Variants in MEMO1 observed in about 807,000 individuals in gnomAD.
MEMO1 encodes protein MEMO1.
A neutral mutation model predicts 45.2 loss-of-function variants in MEMO1; 6 were observed. The observed-to-expected ratio is 0.13, with a 90% CI of 0.07 to 0.26. MEMO1 has a LOEUF of 0.26. Among genes scored for constraint, MEMO1 ranks in the 10% least tolerant of loss-of-function variants. The pLI is 1.00. For missense variants in MEMO1, 184 were observed against 370.5 expected, an observed-to-expected ratio of 0.50 and a Z score of 4.13; for synonymous variants, 78 against 124.3, an observed-to-expected ratio of 0.63 and a Z score of 2.48.
intron 2 of MEMO1, among the ~76,000 whole-genome samples, chr2:31,951,601 C>T (rs886639960): frequency 1.3e-5 from 2 of 151,756 alleles, no homozygotes; most frequent in East Asian, 3.9e-4. Context: ...GGCACGATCT[C>T]GGCTCACTGC....
intron 1 of MEMO1, 179 bp from the exon 2 acceptor site, chr2:32,010,443 G>C (rs1674744999): frequency 4.8e-6 from 2 of 418,372 alleles, no homozygotes; most frequent in Non-Finnish European, 4.4e-6. Context: ...GATGGCAGCC[G>C]GGGCGGTGGC....
At chr2:31,912,292 T>C (rs1485348833) in intron 6 of MEMO1, among the ~76,000 whole-genome samples, 1 of 151,800 alleles carries the variant, frequency 6.6e-6, no homozygotes, top group East Asian at 1.9e-4. Context: ...GCCAAGGTTG[T>C]GCCATGCCAC....
chr2:31,978,527 A>G (rs1462882837), intron 2 of MEMO1, among the ~76,000 whole-genome samples: 1 of 152,214 alleles, frequency 6.6e-6, no homozygotes, highest in Non-Finnish European at 1.5e-5. Flanking sequence ...TAGCTCACTG[A>G]GCTTACACAA....
At chr2:31,916,025 C>G (rs746898804) in intron 6 of MEMO1, among the ~76,000 whole-genome samples, 1 of 151,896 alleles carries the variant, frequency 6.6e-6, no homozygotes, top group Non-Finnish European at 1.5e-5. Context: ...ATTAGGGACC[C>G]TAATGTAATG....
At chr2:31,915,140 C>A (rs997592328) in intron 6 of MEMO1, among the ~76,000 whole-genome samples, 4 of 151,882 alleles carry the variant, frequency 2.6e-5, no homozygotes, top group African/African-American at 7.3e-5. Flanking sequence ...CCCCCAACAC[C>A]CACTTCTCCA....
chr2:31,898,108 CTTCT>C (rs758505098), intron 6 of MEMO1, among the ~76,000 whole-genome samples: 2 of 151,710 alleles, frequency 1.3e-5, no homozygotes, highest in Middle Eastern at 3.4e-3. Context: ...TCTCTCTTTT[CTTCT>C]TTATTAGTCT....
chr2:31,960,521 C>A (rs956117842), intron 2 of MEMO1, among the ~76,000 whole-genome samples: 1 of 152,138 alleles, frequency 6.6e-6, no homozygotes, highest in Non-Finnish European at 1.5e-5. Context: ...TCAATAATTA[C>A]AATAAATTAA....
chr2:31,947,317 CCAAA>C (rs1429118382), intron 2 of MEMO1, among the ~76,000 whole-genome samples: 2 of 152,144 alleles, frequency 1.3e-5, no homozygotes, highest in Non-Finnish European at 2.9e-5. Flanking sequence ...AAGGTAAGAG[CCAAA>C]CTCCAAGTTT....
At chr2:31,988,823 C>A (rs761755417) in intron 2 of MEMO1, among the ~76,000 whole-genome samples, 8 of 152,140 alleles carry the variant, frequency 5.3e-5, no homozygotes, top group Non-Finnish European at 8.8e-5. Flanking sequence ...GAGTTGCAAG[C>A]TGAACTGTGC....
At chr2:31,892,291 T>C (rs896230117) in intron 6 of MEMO1, among the ~76,000 whole-genome samples, 157 bp from the exon 7 acceptor site, 5 of 152,164 alleles carry the variant, frequency 3.3e-5, no homozygotes, top group Non-Finnish European at 7.4e-5. Context: ...AAATTAAATG[T>C]TTAAAGGGTA....
chr2:31,970,105 G>A (rs1669199738), intron 2 of MEMO1, among the ~76,000 whole-genome samples: 1 of 151,996 alleles, frequency 6.6e-6, no homozygotes, highest in African/African-American at 2.4e-5. Flanking sequence ...CTGAGTAGCT[G>A]GGATTACAGG....
intron 4 of MEMO1, among the ~76,000 whole-genome samples, chr2:31,924,150 A>G (rs1682738371): frequency 6.6e-6 from 1 of 152,180 alleles, no homozygotes; most frequent in African/African-American, 2.4e-5. Context: ...AAAAAGCTAA[A>G]TGTCATTGAA....
intron 4 of MEMO1, among the ~76,000 whole-genome samples, chr2:31,929,592 T>C: frequency 6.6e-6 from 1 of 152,226 alleles, no homozygotes. Flanking sequence ...TAGTCAGCAT[T>C]CTATCATCAA....
At chr2:31,885,274 C>G (rs1344225564) in intron 7 of MEMO1, among the ~76,000 whole-genome samples, 1 of 152,184 alleles carries the variant, frequency 6.6e-6, no homozygotes, top group African/African-American at 2.4e-5. Context: ...CATGTGCCAC[C>G]ACATCCAGCT....
chr2:31,922,412 C>T (rs1450530675), intron 4 of MEMO1, among the ~76,000 whole-genome samples: 2 of 150,956 alleles, frequency 1.3e-5, no homozygotes, highest in South Asian at 2.1e-4. Context: ...CTCCTTAAGA[C>T]AGCACATACA....
intron 7 of MEMO1, 47 bp from the exon 8 acceptor site, chr2:31,883,509 G>A: frequency 2.2e-6 from 3 of 1,386,402 alleles, no homozygotes; most frequent in African/African-American, 1.5e-5. Context: ...AAAATTAGAA[G>A]CTAAAAAGAA....
At chr2:31,996,476 G>A (rs1279136793) in intron 2 of MEMO1, among the ~76,000 whole-genome samples, 1 of 152,002 alleles carries the variant, frequency 6.6e-6, no homozygotes, top group African/African-American at 2.4e-5. Context: ...CCTGGCAGGC[G>A]GAGGTTGTAG....
chr2:31,953,778 T>C (rs1463194579), intron 2 of MEMO1, among the ~76,000 whole-genome samples: 1 of 152,110 alleles, frequency 6.6e-6, no homozygotes, highest in Non-Finnish European at 1.5e-5. Flanking sequence ...TTTTGATACA[T>C]ATATTCAAAA....
At chr2:31,882,389 A>G (rs1356165236) in intron 8 of MEMO1, among the ~76,000 whole-genome samples, 1 of 152,144 alleles carries the variant, frequency 6.6e-6, no homozygotes, top group East Asian at 1.9e-4. Context: ...CAAAACAAAA[A>G]TGAAATTAGA....
Sources: allele counts gnomAD v4.1 joint callset (sites outside exome capture counted in the v4.1 genomes callset), GRCh38; gene constraint gnomAD v4.1.1; transcripts MANE v1.5; gene names NCBI Gene and HGNC (gene_info 2026-07-23, HGNC 2026-07-21).